The following CELF2 variants were observed in gnomAD, a reference collection of about 807,000 sequenced individuals.
CELF2 encodes the protein CUGBP Elav-like family member 2, also known as CUG triplet repeat RNA-binding protein 2.
A neutral mutation model predicts 62.6 loss-of-function variants in CELF2; 8 were observed. The observed-to-expected ratio is 0.13, with a 90% CI of 0.07 to 0.23. CELF2 has a LOEUF of 0.23. CELF2 is among the 10% of genes least tolerant of loss of function. The pLI is 1.00. For missense variants in CELF2, 333 were observed against 671.0 expected (o/e 0.50, Z 5.56); for synonymous variants, 258 against 250.0 (o/e 1.03, Z -0.30).
chr10:10,649,419 AG>A, the CELF2 span, among the ~76,000 whole-genome samples: 1 of 152,212 alleles, frequency 6.6e-6, no homozygotes, highest in South Asian at 2.1e-4. Context: ...TCAGTATTAC[AG>A]TACTCAAGTT....
intron 1 of CELF2, among the ~76,000 whole-genome samples, chr10:11,105,689 C>G (rs1200236253): frequency 6.6e-6 from 1 of 152,226 alleles, no homozygotes; most frequent in Non-Finnish European, 1.5e-5. Context: ...GTTCTCTTAG[C>G]CAGGTCATTC....
At chr10:11,094,729 G>A (rs1040768529) in intron 1 of CELF2, among the ~76,000 whole-genome samples, 4 of 152,160 alleles carry the variant, frequency 2.6e-5, no homozygotes, top group African/African-American at 4.8e-5. Flanking sequence ...TAGAGTGTCC[G>A]TCATTTGGTT....
chr10:11,182,867 CT>C (rs1565144965), intron 2 of CELF2, among the ~76,000 whole-genome samples: 3 of 152,098 alleles, frequency 2.0e-5, no homozygotes, highest in African/African-American at 7.2e-5. Context: ...CATCCAAATC[CT>C]GTGAACTTGA....
intron 2 of CELF2, chr10:10,929,733 T>C (rs1368980256): frequency 6.6e-6 from 1 of 152,332 alleles, no homozygotes; most frequent in South Asian, 2.1e-4. Flanking sequence ...TAAAACAGTG[T>C]TTGCTCTTTA....
chr10:11,324,584 G>C lies in CELF2; in HGVS notation c.1295-1252G>C, dbSNP rs2095625994. 6.6e-6 allele frequency among the ~76,000 whole-genome samples: 1 copy of C among 152,220 alleles called. No homozygotes were observed. Among genetic ancestry groups the C allele is most frequent in the African/African-American group, 2.4e-5 (1 of 41,464 alleles). On this transcript the variant is annotated intron_variant, in intron 11 of 12. Coordinates refer to ENST00000633077, the MANE Select transcript of CELF2 (RefSeq NM_001326342.2). The surrounding 1 kb of genome is among the most constrained non-coding windows in gnomAD (Gnocchi z 4.7). ...GTCATTAAGACACACTTTTAAATGAGAAAGGAAGAGTTCACTCTGTGGCTT... is the reference window on the plus strand; with the variant it reads ...GTCATTAAGACACACTTTTAAATGACAAAGGAAGAGTTCACTCTGTGGCTT...
chr10:11,076,155 A>C (rs2141176373), intron 1 of CELF2, among the ~76,000 whole-genome samples: 1 of 152,126 alleles, frequency 6.6e-6, no homozygotes, highest in South Asian at 2.1e-4. Flanking sequence ...ATTGATGGTC[A>C]TACATGGGGG....
At chr10:11,090,690 C>A (rs2048084526) in intron 1 of CELF2, among the ~76,000 whole-genome samples, 1 of 152,002 alleles carries the variant, frequency 6.6e-6, no homozygotes, top group African/African-American at 2.4e-5. Flanking sequence ...TACTTCATAG[C>A]CATTTAAGAT....
chr10:10,676,915 G>A, the CELF2 span, among the ~76,000 whole-genome samples: 1 of 152,170 alleles, frequency 6.6e-6, no homozygotes, highest in Admixed American at 6.5e-5. Flanking sequence ...AATTATTTGG[G>A]GAATTAAATT....
At position 11,285,831 on chromosome 10, in the gene CELF2, GTGTGTGTGT is replaced by G. The variant is rs1565774830; in HGVS notation, c.842-2586_842-2578del. Among the ~76,000 whole-genome samples the G allele has an allele frequency of 3.6e-4, 5 of 13,752 alleles. No homozygotes were observed. The highest frequency in any genetic ancestry group is 1.2e-3 in the African/African-American group (5 of 4,250). The allele number at this position is 13,752 out of a possible 152,430, so 9.0% of individuals were successfully genotyped here. On this transcript the variant is annotated intron_variant, in intron 8 of 12. Coordinates refer to ENST00000633077, the MANE Select transcript of CELF2 (RefSeq NM_001326342.2). The surrounding 1 kb of genome is among the most constrained non-coding windows in gnomAD (Gnocchi z 4.3). ...CATCACCTACTATATATATTGGTGT[GTGTGTGTGT>G]GTGTGTGTGTGTGTGTGTGTGTGTG...
intron 1 of CELF2, among the ~76,000 whole-genome samples, chr10:10,799,741 G>C (rs10905829): frequency 6.6e-6 from 1 of 151,894 alleles, no homozygotes; most frequent in African/African-American, 2.4e-5. Context: ...AACACAAGGA[G>C]CTAGAAAGGG....
At position 11,165,311 on chromosome 10, in the gene CELF2, A is replaced by G. The variant is rs1596460512; in HGVS notation, c.75-175A>G. 7.1e-7 allele frequency: 1 copy of G among 1,405,380 alleles called. No individual in the cohort carries two copies. The highest frequency in any genetic ancestry group is 1.5e-5 in the African/African-American group (1 of 68,218). The allele number at this position is 1,405,380 out of a possible 1,614,324, so 87.1% of individuals were successfully genotyped here. On this transcript the variant is annotated intron_variant, in intron 1 of 12. Transcript: ENST00000633077. The surrounding 1 kb of genome is among the most constrained non-coding windows in gnomAD (Gnocchi z 7.4). ...AGAGCCTCGCCGCCGCCGAGGAGCA[A>G]CTCATGGTGCCTCCGCTTTGTTTTA...
rs2050903070 is a variant in CELF2 at position 10,972,873 on chromosome 10, C to A, written c.89+52874C>A. 6.6e-6 allele frequency among the ~76,000 whole-genome samples: 1 copy of A among 152,166 alleles called. No individual in the cohort carries two copies. Among genetic ancestry groups the A allele is most frequent in the South Asian group, 2.1e-4 (1 of 4,826 alleles). On this transcript the variant is annotated intron_variant, in intron 2 of 13. Transcript: ENST00000636488. This position sits in a 1 kb window ranked among gnomAD's most constrained non-coding sequence, Gnocchi z 4.4. ...GGTAGATTTTGCCTGTGTCTTCCCT[C>A]CCTACATCATCAGCACTACAACGAA... is the stretch of plus-strand genomic sequence containing the variant.
the CELF2 span, among the ~76,000 whole-genome samples, chr10:10,521,748 T>C: frequency 6.6e-6 from 1 of 152,218 alleles, no homozygotes; most frequent in Non-Finnish European, 1.5e-5. Flanking sequence ...AGTTGTTAGC[T>C]AAAGCAAAAG....
At chr10:10,859,667 A>G (rs913962229) in intron 1 of CELF2, among the ~76,000 whole-genome samples, 1 of 152,140 alleles carries the variant, frequency 6.6e-6, no homozygotes, top group African/African-American at 2.4e-5. Flanking sequence ...AGAGTTTCGA[A>G]TAAGTGGTTT....
chr10:10,614,256 G>A, the CELF2 span, among the ~76,000 whole-genome samples: 1 of 151,916 alleles, frequency 6.6e-6, no homozygotes, highest in East Asian at 1.9e-4. Context: ...TTTTTATTAC[G>A]CTCTTACATT....
chr10:11,019,514 A>C (rs1451109871), intron 1 of CELF2, among the ~76,000 whole-genome samples: 1 of 151,952 alleles, frequency 6.6e-6, no homozygotes, highest in Non-Finnish European at 1.5e-5. Flanking sequence ...TTTTTCTAGC[A>C]TGTTAAGTGT....
chr10:10,913,757 G>T (rs2064036546), intron 1 of CELF2, among the ~76,000 whole-genome samples: 1 of 151,096 alleles, frequency 6.6e-6, no homozygotes, highest in Admixed American at 6.6e-5. Context: ...AATTAAAAAT[G>T]CCCACAGTTT....
chr10:10,659,024 C>G, the CELF2 span, among the ~76,000 whole-genome samples: 167 of 152,092 alleles, frequency 1.1e-3, no homozygotes, highest in South Asian at 2.3e-3. Context: ...TAAATGTTCA[C>G]CAGAAAAATG....
chr10:10,465,214 C>T, the CELF2 span, among the ~76,000 whole-genome samples: 1 of 152,062 alleles, frequency 6.6e-6, no homozygotes, highest in African/African-American at 2.4e-5. Context: ...TATAAATGTT[C>T]ACTGAGGATC....
Sources: gnomAD v4.1 joint callset for allele counts (sites outside exome capture counted in the v4.1 genomes callset) on GRCh38, gnomAD v4.1.1 for gene constraint, Gnocchi (gnomAD v3.1) non-coding constraint, MANE v1.5 for transcripts, NCBI Gene and HGNC (gene_info 2026-07-23, HGNC 2026-07-21) for gene names.